ASXL3: variants seen among roughly 807,000 people sequenced by gnomAD.
The protein encoded by ASXL3 is putative Polycomb group protein ASXL3.
A neutral mutation model predicts 170.6 loss-of-function variants in ASXL3; 34 were observed. The observed-to-expected ratio is 0.20, with a 90% CI of 0.15 to 0.27. The LOEUF is 0.27. ASXL3 is among the 10% of genes least tolerant of loss of function. ASXL3 has a pLI of 1.00. For synonymous variants in ASXL3, 1,002 were observed against 989.1 expected, an observed-to-expected ratio of 1.01 and a Z score of -0.24; for missense variants, 2,592 against 2,695.3, an observed-to-expected ratio of 0.96 and a Z score of 0.85.
chr18:33,734,304 T>C lies in ASXL3; in HGVS notation c.977-6T>C. On this transcript the variant is annotated splice_region_variant and splice_polypyrimidine_tract_variant and intron_variant, in intron 9 of 11. Transcript: ENST00000269197. ...TTTATTCAATACATTAGCATTTTCT[T>C]TTTAGGAGAGTTTACCCCAGAAATG... is the stretch of plus-strand genomic sequence containing the variant. 1 of 1,586,082 alleles carries C rather than the reference T, an allele frequency of 6.3e-7. No homozygotes were observed. Among genetic ancestry groups the C allele is most frequent in the Non-Finnish European group, 8.6e-7 (1 of 1,167,484 alleles).
chr18:33,663,227 C>G (rs2066205235), intron 5 of ASXL3, among the ~76,000 whole-genome samples: 1 of 151,986 alleles, frequency 6.6e-6, no homozygotes, highest in Non-Finnish European at 1.5e-5. Flanking sequence ...AAATACTAAC[C>G]AGAATAGAAC....
At chr18:33,721,480 T>C (rs2067259221) in intron 8 of ASXL3, among the ~76,000 whole-genome samples, 1 of 152,064 alleles carries the variant, frequency 6.6e-6, no homozygotes, top group South Asian at 2.1e-4. Context: ...TGTATATATG[T>C]TTAGATGGAT....
At chr18:33,632,283 A>T (rs940257840) in intron 2 of ASXL3, among the ~76,000 whole-genome samples, 2 of 151,952 alleles carry the variant, frequency 1.3e-5, no homozygotes, top group Non-Finnish European at 2.9e-5. Flanking sequence ...ATATTTTCTC[A>T]TATAGTTTTC....
chr18:33,680,524 G>A (rs1186783294), intron 7 of ASXL3, among the ~76,000 whole-genome samples: 1 of 151,908 alleles, frequency 6.6e-6, no homozygotes, highest in Non-Finnish European at 1.5e-5. Context: ...CAATTATTTT[G>A]ATCCAATCTA....
At position 33,743,342 on chromosome 18, in the gene ASXL3, G is replaced by A; in HGVS notation, c.3494G>A (p.Cys1165Tyr). The A allele has an allele frequency of 1.2e-6, 2 of 1,613,760 alleles. No individual in the cohort carries two copies. The highest frequency in any genetic ancestry group is 1.1e-5 in the South Asian group (1 of 91,078). Residue 1165 changes from cysteine to tyrosine, a missense_variant, in exon 12 of 12, where the codon TGT (cysteine) becomes TAT (tyrosine). Cys to Tyr is a radical substitution (Grantham distance 194, BLOSUM62 -2). Around this residue, in one of 4 missense-constraint regions of ASXL3, gnomAD observed 2,246 missense variants for 2,219.6 expected, o/e 1.01. Coordinates refer to ENST00000269197, the MANE Select transcript of ASXL3 (RefSeq NM_030632.3). ...STGVIIVNPN[C>Y]RSPSNKSAHL... ...GGTGTCATTATTGTCAATCCAAACT[G>A]TAGATCTCCTAGCAACAAGTCTGCC...
intron 4 of ASXL3, among the ~76,000 whole-genome samples, chr18:33,649,109 A>G (rs1229422249): frequency 6.6e-6 from 1 of 151,992 alleles, no homozygotes; most frequent in South Asian, 2.1e-4. Flanking sequence ...AAGAATCAAG[A>G]GACAGTTTAA....
At chr18:33,642,238 TC>T (rs1234703093) in intron 2 of ASXL3, among the ~76,000 whole-genome samples, 3 of 152,020 alleles carry the variant, frequency 2.0e-5, no homozygotes, top group Non-Finnish European at 4.4e-5. Context: ...GTCTAAGTTT[TC>T]TGTAGTTTAT....
intron 4 of ASXL3, among the ~76,000 whole-genome samples, chr18:33,656,252 A>G (rs2066083273): frequency 6.6e-6 from 1 of 152,112 alleles, no homozygotes; most frequent in African/African-American, 2.4e-5. Flanking sequence ...AACCTATAAT[A>G]TATGTCAAGA....
In ASXL3 at chr18:33,749,182, G is replaced by A. The variant is rs1568373347; in HGVS notation, c.*2587G>A. The stretch of plus-strand genomic sequence containing the variant: ...GCTAAAATATAAGGGAAAGGAAGAA[G>A]AGAAATTTAGATGTAAAATGTGGGT... On this transcript the variant is annotated 3_prime_UTR_variant, in exon 12 of 12. Coordinates refer to ENST00000269197, the MANE Select transcript of ASXL3 (RefSeq NM_030632.3). The A allele has an allele frequency of 3.3e-5, 5 of 150,790 alleles. No individual in the cohort carries two copies. The allele number at this position is 150,790 out of a possible 1,614,324, so 9.3% of individuals were successfully genotyped here.
At chr18:33,724,761 G>A (rs1319425933) in intron 8 of ASXL3, among the ~76,000 whole-genome samples, 2 of 151,988 alleles carry the variant, frequency 1.3e-5, no homozygotes, top group Non-Finnish European at 2.9e-5. Context: ...TCTTTTAGAT[G>A]GATTTACCTA....
intron 8 of ASXL3, among the ~76,000 whole-genome samples, chr18:33,694,086 G>A (rs1019252996): frequency 4.6e-5 from 7 of 152,150 alleles, no homozygotes; most frequent in African/African-American, 1.7e-4. Flanking sequence ...GCTCAGAGAT[G>A]AAATACAGAG....
chr18:33,735,666 A>C (rs1396829343), intron 10 of ASXL3, among the ~76,000 whole-genome samples: 1 of 152,156 alleles, frequency 6.6e-6, no homozygotes, highest in Non-Finnish European at 1.5e-5. Flanking sequence ...ACCACTTAGG[A>C]GCCTTCTTCC....
At chr18:33,682,411 T>C (rs566327982) in intron 7 of ASXL3, among the ~76,000 whole-genome samples, 3 of 152,226 alleles carry the variant, frequency 2.0e-5, no homozygotes, top group African/African-American at 7.2e-5. Context: ...CTGTCCCTTA[T>C]GGTATGTTAT....
In ASXL3 at chr18:33,738,484, C is replaced by T. The variant is rs1310725597; in HGVS notation, c.1083-3C>T. On this transcript the variant is annotated splice_polypyrimidine_tract_variant and splice_region_variant and intron_variant, in intron 10 of 11. Coordinates refer to ENST00000269197, the MANE Select transcript of ASXL3 (RefSeq NM_030632.3). ...CAATAATTTATTTCTAATTTCTGTACAGGCTGGGCATGTCAAGAGAGGAAT... is the reference window on the plus strand; with the variant it reads ...CAATAATTTATTTCTAATTTCTGTATAGGCTGGGCATGTCAAGAGAGGAAT... 5 of 1,588,228 alleles carry T rather than the reference C, an allele frequency of 3.1e-6. No homozygotes were observed. Among genetic ancestry groups the T allele is most frequent in the East Asian group, 2.2e-5 (1 of 44,500 alleles).
At chr18:33,670,006 A>G (rs954395907) in intron 5 of ASXL3, among the ~76,000 whole-genome samples, 4 of 152,134 alleles carry the variant, frequency 2.6e-5, no homozygotes, top group African/African-American at 4.8e-5. Flanking sequence ...ATTTATTCTT[A>G]TATTCATTTT....
intron 8 of ASXL3, among the ~76,000 whole-genome samples, chr18:33,687,204 T>A (rs2066610899): frequency 6.6e-6 from 1 of 152,160 alleles, no homozygotes; most frequent in Non-Finnish European, 1.5e-5. Context: ...ATGCTCTCTT[T>A]CTGCTCAAGG....
intron 2 of ASXL3, among the ~76,000 whole-genome samples, chr18:33,632,156 A>G (rs2065687929): frequency 6.6e-6 from 1 of 152,146 alleles, no homozygotes; most frequent in Non-Finnish European, 1.5e-5. Context: ...GGTTATTTCT[A>G]CCTATGAGTA....
chr18:33,701,736 T>A (rs1466915690), intron 8 of ASXL3, among the ~76,000 whole-genome samples: 1 of 152,096 alleles, frequency 6.6e-6, no homozygotes, highest in Non-Finnish European at 1.5e-5. Context: ...CTACTTAACG[T>A]TTGTTGAACT....
chr18:33,747,391 T>C lies in ASXL3; in HGVS notation c.*796T>C, dbSNP rs2067813710. On this transcript the variant is annotated 3_prime_UTR_variant, in exon 12 of 12. Coordinates refer to ENST00000269197, the MANE Select transcript of ASXL3 (RefSeq NM_030632.3). Reference sequence around the variant, plus strand: ...GCCCAGAGGATTTTAGAGCTTCATGTGTGGCTTTTAAGAGCAGGTTTGAAA... The same window carrying C: ...GCCCAGAGGATTTTAGAGCTTCATGCGTGGCTTTTAAGAGCAGGTTTGAAA... 6.6e-6 allele frequency: 1 copy of C among 150,904 alleles called. No individual in the cohort carries two copies. The highest frequency in any genetic ancestry group is 1.5e-5 in the Non-Finnish European group (1 of 67,888). The allele number at this position is 150,904 out of a possible 1,614,324, so 9.3% of individuals were successfully genotyped here.
Sources: allele counts gnomAD v4.1 joint callset (sites outside exome capture counted in the v4.1 genomes callset), GRCh38; gene constraint gnomAD v4.1.1; regional missense constraint gnomAD v4.1.1; transcripts MANE v1.5; gene names NCBI Gene and HGNC (gene_info 2026-07-23, HGNC 2026-07-21).